Variants in DNAAF8 observed in about 807,000 individuals in gnomAD.
DNAAF8 encodes dynein axonemal-associated protein 1.
In DNAAF8, 61 loss-of-function variants were observed where a neutral mutation model predicts 54.6. The ratio of observed to expected loss-of-function variants is 1.12; its 90% CI spans 0.91 to 1.38. DNAAF8 has a LOEUF of 1.38. DNAAF8 is among the 40% of genes most tolerant of loss of function. The pLI, the probability that DNAAF8 is intolerant of heterozygous loss-of-function variation, is 0.00. For synonymous variants in DNAAF8, 320 were observed against 270.1 expected (o/e 1.18, Z -1.81); for missense variants, 837 against 665.0 (o/e 1.26, Z -2.85).
rs548498835 is a variant in DNAAF8 at position 4,749,199 on chromosome 16, T to C, written c.*484T>C. ...CCTGCCCCCTCCACTCCGGGGCCTG[T>C]GCCGCCAGAACCGGGCTCTGCCCCC... is the stretch of plus-strand genomic sequence containing the variant. On this transcript the variant is annotated 3_prime_UTR_variant, in exon 10 of 10. Transcript: ENST00000299320. The C allele has an allele frequency of 1.9e-5, 3 of 154,646 alleles. No homozygotes were observed. In the East Asian group the frequency reaches 5.8e-4, roughly 30 times the overall value. 9.6% of individuals were successfully genotyped at this position (154,646 alleles called of 1,614,324 possible).
intron 8 of DNAAF8, 73 bp from the exon 9 acceptor site, chr16:4,747,267 TCTC>T: frequency 2.0e-6 from 3 of 1,475,766 alleles, no homozygotes; most frequent in Non-Finnish European, 9.1e-7. Flanking sequence ...CATCTGCTTT[TCTC>T]CTGTTTCAGT....
At chr16:4,738,029 T>A in intron 3 of DNAAF8, 83 bp downstream of exon 3, 4 of 1,453,640 alleles carry the variant, frequency 2.8e-6, no homozygotes, top group Non-Finnish European at 3.7e-6. Context: ...GTTCTAGCAT[T>A]TCCACGATAT....
rs1278931648 is a variant in DNAAF8, at chr16:4,740,669, TC to T, written c.783+14del. On this transcript the variant is annotated intron_variant, in intron 4 of 9. Transcript: ENST00000299320. ...AGTGCTCTCGCTCCAGGTAGGCGCC[TC>T]CCCGTGCCTGGCTGTTTCTCAGGCC... The T allele has an allele frequency of 6.4e-7, 1 of 1,569,474 alleles. No homozygotes were observed.
At chr16:4,746,209 A>T in intron 6 of DNAAF8, 166 bp from the exon 7 acceptor site, 1 of 682,932 alleles carries the variant, frequency 1.5e-6, no homozygotes. Flanking sequence ...TAAATCTCGC[A>T]TGCTGTTCTG....
chr16:4,745,074 A>T, intron 6 of DNAAF8, 63 bp downstream of exon 6: 1 of 1,565,270 alleles, frequency 6.4e-7, no homozygotes, highest in Non-Finnish European at 8.7e-7. Context: ...GTTTTGTAGC[A>T]CTGACTGGGC....
chr16:4,738,063 TTC>T (rs2081918234), intron 3 of DNAAF8, 117 bp downstream of exon 3: 2 of 1,289,096 alleles, frequency 1.6e-6, no homozygotes, highest in African/African-American at 1.5e-5. Context: ...CCTTTTTTTT[TTC>T]CCCCATGTAC....
At chr16:4,743,713 G>C (rs2081978518) in intron 5 of DNAAF8, 1 of 152,314 alleles carries the variant, frequency 6.6e-6, no homozygotes, top group African/African-American at 2.4e-5. Context: ...AGCCAGGGCA[G>C]GTGCGGCGCT....
Position 4,740,171 on chromosome 16 carries a change from G to C in DNAAF8, c.295G>C (p.Glu99Gln), listed in dbSNP as rs1437603534. Residue 99 changes from glutamate (E) to glutamine (Q), a missense_variant, in exon 4 of 10, where the codon GAA becomes CAA. Transcript: ENST00000299320. ...TTGACAGCCAGTTCTGGTGCCTGCAGAATTGGCCACAGAACCTGGGTGCAG... is the reference window on the plus strand; with the variant it reads ...TTGACAGCCAGTTCTGGTGCCTGCACAATTGGCCACAGAACCTGGGTGCAG... The part of the protein sequence containing the change: ...SLPEPVLVPA[E>Q]LATEPGCRQN... The C allele has an allele frequency of 6.2e-7, 1 of 1,610,142 alleles. No homozygotes were observed. Among genetic ancestry groups the C allele is most frequent in the Non-Finnish European group, 8.5e-7 (1 of 1,177,308 alleles).
intron 5 of DNAAF8, among the ~76,000 whole-genome samples, chr16:4,744,489 A>G (rs961139756): frequency 1.3e-5 from 2 of 152,018 alleles, no homozygotes; most frequent in Admixed American, 1.3e-4. Context: ...TACAAAGTGA[A>G]AAAAGTGAAG....
chr16:4,745,884 G>A (rs919640090), intron 6 of DNAAF8, among the ~76,000 whole-genome samples: 70 of 151,458 alleles, frequency 4.6e-4, no homozygotes, highest in African/African-American at 1.7e-3. Context: ...AACCCAGGAG[G>A]CGGAGGTTGC....
rs754673926 is a variant in DNAAF8, at chr16:4,740,640, C to G, written c.764C>G (p.Pro255Arg). The change falls in exon 4 of 10, where the codon CCA becomes CGA. Residue 255 changes from proline to arginine, a missense_variant. Coordinates refer to ENST00000299320, the MANE Select transcript of DNAAF8 (RefSeq NM_139170.3). ...KMPLVEPPEGPPVLSLQQLEA... is the reference protein window; with the variant it reads ...KMPLVEPPEGRPVLSLQQLEA... ...CCCCTCGTGGAGCCTCCGGAGGGAC[C>G]ACCAGTGCTCTCGCTCCAGGTAGGC... 2.7e-5 allele frequency: 44 copies of G among 1,602,394 alleles called. No homozygotes were observed. The highest frequency in any genetic ancestry group is 2.5e-4 in the Admixed American group (15 of 59,056).
chr16:4,744,739 T>C, intron 5 of DNAAF8, 131 bp from the exon 6 acceptor site: 3 of 1,170,252 alleles, frequency 2.6e-6, no homozygotes, highest in Non-Finnish European at 3.6e-6. Flanking sequence ...GGGAGAGGGC[T>C]GGGCGGGGGC....
Position 4,749,326 on chromosome 16 carries a change from C to G in DNAAF8, c.*611C>G, listed in dbSNP as rs2082056566. On this transcript the variant is annotated 3_prime_UTR_variant, in exon 10 of 10. Transcript: ENST00000299320. ...ACCCCATTTTCTTCCATTTCTCCCA[C>G]CTTTTTAATGCCAGTAACCTCACTG... 1 of 154,446 alleles carries G rather than the reference C, an allele frequency of 6.5e-6. No homozygotes were observed. Among genetic ancestry groups the G allele is most frequent in the African/African-American group, 2.4e-5 (1 of 41,542 alleles). 9.6% of individuals were successfully genotyped at this position (154,446 alleles called of 1,614,324 possible).
At position 4,736,521 on chromosome 16, in the gene DNAAF8, T is replaced by G; in HGVS notation, c.7T>G (p.Ser3Ala). 2.6e-6 allele frequency: 4 copies of G among 1,551,972 alleles called. No individual in the cohort carries two copies. The highest frequency in any genetic ancestry group is 3.5e-6 in the Non-Finnish European group (4 of 1,141,132). The change falls in exon 2 of 10, where the codon TCC becomes GCC. Residue 3 changes from serine to alanine, a missense_variant. Coordinates refer to ENST00000299320, the MANE Select transcript of DNAAF8 (RefSeq NM_139170.3). Reference sequence around the variant, plus strand: ...TCTGGAAGCCTGGGCCCTCATGGCATCCAACGATAAAGGCATGGCACCCTC... The same window carrying G: ...TCTGGAAGCCTGGGCCCTCATGGCAGCCAACGATAAAGGCATGGCACCCTC... The part of the protein sequence containing the change: MA[S>A]NDKGMAPSLG...
chr16:4,745,964 A>AG (rs1555483540), intron 6 of DNAAF8, among the ~76,000 whole-genome samples: 12 of 151,814 alleles, frequency 7.9e-5, no homozygotes, highest in South Asian at 2.1e-4. Flanking sequence ...AAAAAAAAAA[A>AG]AAAAAGAAAA....
At chr16:4,737,052 C>T (rs1435224481) in intron 2 of DNAAF8, among the ~76,000 whole-genome samples, 2 of 152,098 alleles carry the variant, frequency 1.3e-5, no homozygotes, top group Non-Finnish European at 2.9e-5. Flanking sequence ...GATAAGCCTT[C>T]GAGGGATTCT....
chr16:4,737,539 G>C (rs79125482), intron 2 of DNAAF8, among the ~76,000 whole-genome samples: 6,817 of 152,274 alleles, frequency 0.045, 484 homozygotes, highest in African/African-American at 0.15. Flanking sequence ...GGTACTTGCA[G>C]AACCAGGAGC....
At chr16:4,747,133 C>T in intron 8 of DNAAF8, 108 bp downstream of exon 8, 5 of 1,247,588 alleles carry the variant, frequency 4.0e-6, no homozygotes, top group Non-Finnish European at 5.5e-6. Flanking sequence ...TTGCTGCACC[C>T]ACCGCACAGG....
intron 4 of DNAAF8, among the ~76,000 whole-genome samples, chr16:4,740,972 A>G (rs558200649): frequency 5.2e-4 from 79 of 151,838 alleles, no homozygotes; most frequent in African/African-American, 1.8e-3. Context: ...CCCGGAGTTC[A>G]AGACCATCCT....
Sources: allele counts gnomAD v4.1 joint callset (sites outside exome capture counted in the v4.1 genomes callset), GRCh38; gene constraint gnomAD v4.1.1; transcripts MANE v1.5; gene names NCBI Gene and HGNC (gene_info 2026-07-23, HGNC 2026-07-21).